CNBD1: variants seen among roughly 807,000 people sequenced by gnomAD.
CNBD1 encodes the protein cyclic nucleotide binding domain containing 1.
A neutral mutation model predicts 54.4 loss-of-function variants in CNBD1; 71 were observed. The observed-to-expected ratio is 1.30, with a 90% CI of 1.08 to 1.59. The LOEUF is 1.59. CNBD1 is among the 40% of genes most tolerant of loss of function. CNBD1 has a pLI of 0.00. For synonymous variants in CNBD1, 182 were observed against 170.7 expected, an observed-to-expected ratio of 1.07 and a Z score of -0.51; for missense variants, 659 against 518.0, an observed-to-expected ratio of 1.27 and a Z score of -2.64.
intron 5 of CNBD1, among the ~76,000 whole-genome samples, chr8:87,208,101 T>G (rs1280158806): frequency 1.3e-5 from 2 of 152,158 alleles, no homozygotes; most frequent in African/African-American, 4.8e-5. Context: ...TAGTAGCCCC[T>G]CATCACCAGG....
intron 8 of CNBD1, among the ~76,000 whole-genome samples, chr8:87,340,305 A>G (rs1263827206): frequency 6.6e-6 from 1 of 152,220 alleles, no homozygotes; most frequent in Non-Finnish European, 1.5e-5. Flanking sequence ...TTTCAAAATT[A>G]ACTCTGTCTT....
intron 3 of CNBD1, among the ~76,000 whole-genome samples, chr8:86,932,318 A>G (rs1809470715): frequency 6.6e-6 from 1 of 152,166 alleles, no homozygotes; most frequent in Admixed American, 6.5e-5. Flanking sequence ...ATGTTGGGCC[A>G]AATTCCCCTC....
At chr8:86,926,806 G>A (rs1176729255) in intron 3 of CNBD1, among the ~76,000 whole-genome samples, 3 of 152,142 alleles carry the variant, frequency 2.0e-5, no homozygotes, top group African/African-American at 7.2e-5. Context: ...AACTGTATGA[G>A]AAATCCTTTG....
intron 4 of CNBD1, among the ~76,000 whole-genome samples, chr8:87,099,548 T>C (rs1372143119): frequency 6.6e-6 from 1 of 152,154 alleles, no homozygotes; most frequent in Non-Finnish European, 1.5e-5. Flanking sequence ...CAAAGGCAAG[T>C]AGTGGAAATA....
rs71275901 is a variant in CNBD1 at position 86,951,581 on chromosome 8, C to CAAAAAAAAAAAAAAAAAAAAA, written c.431+11845_431+11865dup. ...GGTGACAGAGCGAGGCTCCGTCTCACAAAAAAAAAAAAAAAAAAAAAAAAA... is the reference window on the plus strand; with the variant it reads ...GGTGACAGAGCGAGGCTCCGTCTCACAAAAAAAAAAAAAAAAAAAAAAAAAAAAAAAAAAAAAAAAAAAAAA... On this transcript the variant is annotated intron_variant, in intron 4 of 10. Transcript: ENST00000518476. Among the ~76,000 whole-genome samples the CAAAAAAAAAAAAAAAAAAAAA allele has an allele frequency of 1.5e-3, 57 of 37,360 alleles. 19 individuals are homozygous for CAAAAAAAAAAAAAAAAAAAAA. The highest frequency in any genetic ancestry group is 3.9e-3 in the South Asian group (3 of 774). 24.5% of individuals were successfully genotyped at this position (37,360 alleles called of 152,430 possible).
At chr8:86,901,992 G>T (rs1415316019) in intron 2 of CNBD1, among the ~76,000 whole-genome samples, 2 of 152,102 alleles carry the variant, frequency 1.3e-5, no homozygotes, top group Non-Finnish European at 2.9e-5. Flanking sequence ...AAGACAATTG[G>T]AATGTGTTCA....
intron 4 of CNBD1, among the ~76,000 whole-genome samples, chr8:87,009,137 T>C (rs1247405720): frequency 6.6e-6 from 1 of 152,110 alleles, no homozygotes; most frequent in Non-Finnish European, 1.5e-5. Context: ...CTCTTTAATT[T>C]ACTAGAGTCT....
chr8:87,225,991 G>T (rs1163341276), intron 5 of CNBD1, among the ~76,000 whole-genome samples: 9 of 151,536 alleles, frequency 5.9e-5, no homozygotes, highest in East Asian at 5.8e-4. Context: ...GTCAAGGAAT[G>T]TATCCATTTC....
At chr8:87,241,967 G>A (rs982752005) in intron 6 of CNBD1, among the ~76,000 whole-genome samples, 3 of 151,998 alleles carry the variant, frequency 2.0e-5, no homozygotes, top group African/African-American at 4.8e-5. Flanking sequence ...TAGACCCCTC[G>A]TCTTAGCCAA....
At chr8:87,221,864 T>G (rs1814346412) in intron 5 of CNBD1, among the ~76,000 whole-genome samples, 1 of 152,178 alleles carries the variant, frequency 6.6e-6, no homozygotes, top group Admixed American at 6.6e-5. Context: ...CCAGTTTTAT[T>G]TGCCTGCTGT....
intron 6 of CNBD1, among the ~76,000 whole-genome samples, chr8:87,240,368 G>T (rs1402931435): frequency 1.3e-5 from 2 of 152,170 alleles, no homozygotes; most frequent in East Asian, 3.9e-4. Context: ...AACAGGCAGG[G>T]CCCAGTGAGG....
intron 5 of CNBD1, among the ~76,000 whole-genome samples, chr8:87,236,576 A>T (rs1265314240): frequency 1.3e-5 from 2 of 151,934 alleles, no homozygotes; most frequent in Non-Finnish European, 2.9e-5. Flanking sequence ...AACATTAAAA[A>T]ACATTCAAGG....
chr8:86,874,986 T>TTATATATATATATATATATATATATATA (rs10584669), intron 1 of CNBD1, among the ~76,000 whole-genome samples: 5 of 120,120 alleles, frequency 4.2e-5, no homozygotes, highest in African/African-American at 6.9e-5. Flanking sequence ...GTAAATCAAT[T>TTATATATATATATATATATATATATATA]TATATATATA....
At chr8:87,284,099 C>G (rs13439224) in intron 6 of CNBD1, among the ~76,000 whole-genome samples, 42,756 of 151,872 alleles carry the variant, frequency 0.28, 6,463 homozygotes, top group African/African-American at 0.39. Context: ...CCTTCACATG[C>G]CCTCCACTTT....
intron 1 of CNBD1, among the ~76,000 whole-genome samples, chr8:86,883,656 G>A (rs1808636352): frequency 6.6e-6 from 1 of 152,070 alleles, no homozygotes; most frequent in Non-Finnish European, 1.5e-5. Context: ...GTAAGATGAA[G>A]ACTGAAAGGA....
chr8:86,998,926 G>A (rs1051916539), intron 4 of CNBD1, among the ~76,000 whole-genome samples: 27 of 152,112 alleles, frequency 1.8e-4, no homozygotes, highest in East Asian at 9.7e-4. Flanking sequence ...GTGTTTTATT[G>A]GAATGTGATT....
intron 4 of CNBD1, among the ~76,000 whole-genome samples, chr8:87,072,433 A>G (rs1389302782): frequency 1.3e-5 from 2 of 152,100 alleles, no homozygotes; most frequent in Non-Finnish European, 1.5e-5. Context: ...TGTTTTTTGT[A>G]GTGACTGATA....
chr8:87,339,857 CTATAAT>C (rs1250058753), intron 8 of CNBD1, among the ~76,000 whole-genome samples: 5 of 152,176 alleles, frequency 3.3e-5, no homozygotes, highest in African/African-American at 1.2e-4. Context: ...TAACGTATTT[CTATAAT>C]TATAATTTTT....
At chr8:86,879,485 A>G (rs1302456272) in intron 1 of CNBD1, among the ~76,000 whole-genome samples, 1 of 152,220 alleles carries the variant, frequency 6.6e-6, no homozygotes, top group Admixed American at 6.5e-5. Flanking sequence ...AGTATGGATG[A>G]GTTTTTTAAG....
Sources: gnomAD v4.1 joint callset for allele counts (sites outside exome capture counted in the v4.1 genomes callset) on GRCh38, gnomAD v4.1.1 for gene constraint, MANE v1.5 for transcripts, NCBI Gene and HGNC (gene_info 2026-07-23, HGNC 2026-07-21) for gene names.